EPS8: variants seen among roughly 807,000 people sequenced by gnomAD.
EPS8 encodes the protein epidermal growth factor receptor kinase substrate 8.
A neutral mutation model predicts 103.8 loss-of-function variants in EPS8; 42 were observed. The ratio of observed to expected loss-of-function variants is 0.40; its 90% CI spans 0.32 to 0.52. The LOEUF is 0.52. Ranked by LOEUF, EPS8 falls within the 20% of genes least tolerant of loss-of-function variation. EPS8 has a pLI of 0.40. For missense variants in EPS8, 969 were observed against 1,005.1 expected, an observed-to-expected ratio of 0.96 and a Z score of 0.49; for synonymous variants, 344 against 344.6, an observed-to-expected ratio of 1.00 and a Z score of 0.02.
In EPS8 at chr12:15,751,328, A is replaced by C. The variant is rs1946929322; in HGVS notation, c.-22+37833T>G. Among the ~76,000 whole-genome samples, 1 of 152,162 alleles carries C rather than the reference A, an allele frequency of 6.6e-6. No individual in the cohort carries two copies. The highest frequency in any genetic ancestry group is 2.4e-5 in the African/African-American group (1 of 41,420). The stretch of plus-strand genomic sequence containing the variant: ...AGCTGAGATCACGCCACTGCACTCC[A>C]GCCTGGGCGACAGAGTGAGACTCCA... On this transcript the variant is annotated intron_variant, in intron 1 of 20. Transcript: ENST00000281172. The surrounding 1 kb of genome is among the most constrained non-coding windows in gnomAD (Gnocchi z 4.3).
At position 15,641,750 on chromosome 12, in the gene EPS8, A is replaced by C. The variant is rs748797310; in HGVS notation, c.1649T>G (p.Leu550Arg). 6.3e-7 allele frequency: 1 copy of C among 1,586,206 alleles called. No individual in the cohort carries two copies. Among genetic ancestry groups the C allele is most frequent in the Non-Finnish European group, 8.6e-7 (1 of 1,163,706 alleles). The change falls in exon 16 of 21, where the codon CTC becomes CGC. Residue 550 changes from leucine to arginine, a missense_variant. Coordinates refer to ENST00000281172, the MANE Select transcript of EPS8 (RefSeq NM_004447.6). ...YDFVARNNSE[L>R]SVLKDDILEI... ...TAAAATATCATCCTTTAGAACCGAG[A>C]GCTCACTGTTGTTCCTTGCTACAAA... is the stretch of plus-strand genomic sequence containing the variant.
In EPS8 at chr12:15,735,128, G is replaced by C. The variant is rs1946756097; in HGVS notation, c.-21-52156C>G. 6.6e-6 allele frequency among the ~76,000 whole-genome samples: 1 copy of C among 152,132 alleles called. No individual in the cohort carries two copies. The highest frequency in any genetic ancestry group is 2.4e-5 in the African/African-American group (1 of 41,430). ...TGACAAAGTTTCCAAAGAAACAGTA[G>C]ACTGATTTAAGTATACTAATTTTTC... On this transcript the variant is annotated intron_variant, in intron 1 of 20. Coordinates refer to ENST00000281172, the MANE Select transcript of EPS8 (RefSeq NM_004447.6). This position sits in a 1 kb window ranked among gnomAD's most constrained non-coding sequence, Gnocchi z 4.4.
intron 13 of EPS8, among the ~76,000 whole-genome samples, chr12:15,651,423 T>C (rs1945411892): frequency 6.6e-6 from 1 of 152,182 alleles, no homozygotes; most frequent in Non-Finnish European, 1.5e-5. Flanking sequence ...TCCCCTCCCA[T>C]CATTATTGAA....
intron 10 of EPS8, among the ~76,000 whole-genome samples, chr12:15,659,009 T>C (rs929478165): frequency 6.6e-6 from 1 of 152,152 alleles, no homozygotes; most frequent in African/African-American, 2.4e-5. Flanking sequence ...ATGGAGAAAG[T>C]AGCTTATAAG....
intron 12 of EPS8, among the ~76,000 whole-genome samples, chr12:15,654,707 A>G (rs752714941): frequency 7.2e-5 from 11 of 152,150 alleles, no homozygotes; most frequent in Non-Finnish European, 1.6e-4. Flanking sequence ...GAGTACTATC[A>G]AGAGAAACAA....
intron 1 of EPS8, among the ~76,000 whole-genome samples, chr12:15,692,246 A>T (rs992601609): frequency 1.3e-5 from 2 of 152,060 alleles, no homozygotes; most frequent in Non-Finnish European, 2.9e-5. Flanking sequence ...TATGATGAAA[A>T]ATGTGTTTAT....
rs1946885677 is a variant in EPS8 at position 15,747,373 on chromosome 12, T to C, written c.-22+41788A>G. On this transcript the variant is annotated intron_variant, in intron 1 of 20. Transcript: ENST00000281172. This position sits in a 1 kb window ranked among gnomAD's most constrained non-coding sequence, Gnocchi z 4.4. ...GTTATCAGAAAGTGCTTAATCTTAG[T>C]ACATTAACAAACTTACTCCATTTCC... Among the ~76,000 whole-genome samples the C allele has an allele frequency of 6.6e-6, 1 of 152,206 alleles. No homozygotes were observed. The highest frequency in any genetic ancestry group is 2.1e-4 in the South Asian group (1 of 4,836).
At position 15,693,947 on chromosome 12, in the gene EPS8, G is replaced by A. The variant is rs1055418879; in HGVS notation, c.-21-10975C>T. ...ATCAGGACAAATAGCTAATGCATGCGGGTCTTAACACCTAGGTGATGGGTT... is the reference window on the plus strand; with the variant it reads ...ATCAGGACAAATAGCTAATGCATGCAGGTCTTAACACCTAGGTGATGGGTT... On this transcript the variant is annotated intron_variant, in intron 1 of 20. Coordinates refer to ENST00000281172, the MANE Select transcript of EPS8 (RefSeq NM_004447.6). This position sits in a 1 kb window ranked among gnomAD's most constrained non-coding sequence, Gnocchi z 5.6. Among the ~76,000 whole-genome samples, 3 of 152,130 alleles carry A rather than the reference G, an allele frequency of 2.0e-5. No homozygotes were observed. The highest frequency in any genetic ancestry group is 3.2e-3 in the Middle Eastern group (1 of 316).
Position 15,772,170 on chromosome 12 carries a change from G to A in EPS8, c.-22+16991C>T, listed in dbSNP as rs1391434482. Among the ~76,000 whole-genome samples the A allele has an allele frequency of 6.6e-6, 1 of 152,052 alleles. No individual in the cohort carries two copies. The highest frequency in any genetic ancestry group is 1.5e-5 in the Non-Finnish European group (1 of 68,002). On this transcript the variant is annotated intron_variant, in intron 1 of 20. Transcript: ENST00000281172. The surrounding 1 kb of genome is among the most constrained non-coding windows in gnomAD (Gnocchi z 5.0). ...GTTGACATATAGGTGGGGCAGAAAG[G>A]TGGGTAAGAAAAAGAGTCCAGGAAA...
At position 15,735,812 on chromosome 12, in the gene EPS8, C is replaced by T. The variant is rs1361344975; in HGVS notation, c.-21-52840G>A. ...TGTATCTATCAATTAAATATTTAAA[C>T]AATCCATAATTGGCAATATTTTTAA... On this transcript the variant is annotated intron_variant, in intron 1 of 20. Coordinates refer to ENST00000281172, the MANE Select transcript of EPS8 (RefSeq NM_004447.6). The surrounding 1 kb of genome is among the most constrained non-coding windows in gnomAD (Gnocchi z 4.4). Among the ~76,000 whole-genome samples the T allele has an allele frequency of 1.3e-5, 2 of 152,078 alleles. No individual in the cohort carries two copies. Among genetic ancestry groups the T allele is most frequent in the Non-Finnish European group, 2.9e-5 (2 of 68,020 alleles).
At chr12:15,664,242 G>A (rs527954676) in intron 8 of EPS8, among the ~76,000 whole-genome samples, 106 of 151,208 alleles carry the variant, frequency 7.0e-4, no homozygotes, top group Non-Finnish European at 6.0e-4. Flanking sequence ...TTATGAAAAC[G>A]GAAACTGTTA....
At position 15,781,479 on chromosome 12, in the gene EPS8, C is replaced by T. The variant is rs1467571201; in HGVS notation, c.-22+7682G>A. 6.6e-6 allele frequency among the ~76,000 whole-genome samples: 1 copy of T among 152,124 alleles called. No individual in the cohort carries two copies. The highest frequency in any genetic ancestry group is 1.5e-5 in the Non-Finnish European group (1 of 68,024). On this transcript the variant is annotated intron_variant, in intron 1 of 20. Coordinates refer to ENST00000281172, the MANE Select transcript of EPS8 (RefSeq NM_004447.6). The surrounding 1 kb of genome is among the most constrained non-coding windows in gnomAD (Gnocchi z 4.1). The stretch of plus-strand genomic sequence containing the variant: ...GTCACTTTTTCTTTCTGGGCCTATT[C>T]CTTTATCTGTAATTCTGAGATAAAG...
Position 15,731,046 on chromosome 12 carries a change from G to A in EPS8, c.-21-48074C>T, listed in dbSNP as rs1171223639. On this transcript the variant is annotated intron_variant, in intron 1 of 20. Transcript: ENST00000281172. The surrounding 1 kb of genome is among the most constrained non-coding windows in gnomAD (Gnocchi z 5.1). ...TACTTATTTCAGAAATGCCTCTTGT[G>A]CAAAAAGTTCAGTCAAAAATATATA... is the stretch of plus-strand genomic sequence containing the variant. Among the ~76,000 whole-genome samples the A allele has an allele frequency of 6.6e-6, 1 of 152,108 alleles. No individual in the cohort carries two copies. Among genetic ancestry groups the A allele is most frequent in the African/African-American group, 2.4e-5 (1 of 41,420 alleles).
intron 3 of EPS8, among the ~76,000 whole-genome samples, chr12:15,671,266 T>C (rs1945812353): frequency 6.6e-6 from 1 of 152,146 alleles, no homozygotes; most frequent in African/African-American, 2.4e-5. Flanking sequence ...ACAACTGGCT[T>C]ATAAATTTCA....
In EPS8 at chr12:15,704,673, T is replaced by C. The variant is rs1451613434; in HGVS notation, c.-21-21701A>G. ...GATGGTCATGATGGCTGCACAACAA[T>C]GTGAATACACTTAATGACAATAAAC... is the stretch of plus-strand genomic sequence containing the variant. On this transcript the variant is annotated intron_variant, in intron 1 of 20. Coordinates refer to ENST00000281172, the MANE Select transcript of EPS8 (RefSeq NM_004447.6). The surrounding 1 kb of genome is among the most constrained non-coding windows in gnomAD (Gnocchi z 4.6). Among the ~76,000 whole-genome samples the C allele has an allele frequency of 6.6e-6, 1 of 152,180 alleles. No homozygotes were observed. Among genetic ancestry groups the C allele is most frequent in the African/African-American group, 2.4e-5 (1 of 41,458 alleles).
At chr12:15,678,598 C>T (rs1047062079) in intron 3 of EPS8, among the ~76,000 whole-genome samples, 2 of 152,046 alleles carry the variant, frequency 1.3e-5, no homozygotes, top group East Asian at 1.9e-4. Context: ...GGGGGCCTCA[C>T]TTTGCTTTAT....
At position 15,714,184 on chromosome 12, in the gene EPS8, AATATGCCAAACAG is replaced by A. The variant is rs1162210690; in HGVS notation, c.-21-31225_-21-31213del. 6.6e-6 allele frequency among the ~76,000 whole-genome samples: 1 copy of A among 152,174 alleles called. No individual in the cohort carries two copies. Among genetic ancestry groups the A allele is most frequent in the Non-Finnish European group, 1.5e-5 (1 of 68,046 alleles). ...AAATGATTTACTGTGATTATTAACA[AATATGCCAAACAG>A]AAAATTGAGTGCTCAACTGATTTTT... On this transcript the variant is annotated intron_variant, in intron 1 of 20. Coordinates refer to ENST00000281172, the MANE Select transcript of EPS8 (RefSeq NM_004447.6). This position sits in a 1 kb window ranked among gnomAD's most constrained non-coding sequence, Gnocchi z 4.1.
intron 3 of EPS8, among the ~76,000 whole-genome samples, chr12:15,678,165 G>A (rs1393164336): frequency 6.6e-6 from 1 of 151,888 alleles, no homozygotes; most frequent in African/African-American, 2.4e-5. Context: ...CACTCCCAAA[G>A]CTACCTAAAA....
intron 1 of EPS8, among the ~76,000 whole-genome samples, chr12:15,708,458 G>A (rs535068300): frequency 2.6e-5 from 4 of 152,300 alleles, no homozygotes; most frequent in South Asian, 4.1e-4. Context: ...GGGAAGTGGT[G>A]CAAGATGGGT....
Sources: allele counts gnomAD v4.1 joint callset (sites outside exome capture counted in the v4.1 genomes callset), GRCh38; gene constraint gnomAD v4.1.1; non-coding constraint Gnocchi (gnomAD v3.1); transcripts MANE v1.5; gene names NCBI Gene and HGNC (gene_info 2026-07-23, HGNC 2026-07-21).